Variants in CTNNA2 observed in about 807,000 individuals in gnomAD.
CTNNA2 encodes the protein catenin alpha-2.
A neutral mutation model predicts 101.0 loss-of-function variants in CTNNA2; 42 were observed. The observed-to-expected ratio is 0.42, with a 90% CI of 0.32 to 0.54. The LOEUF is 0.54. CTNNA2 is among the 20% of genes least tolerant of loss of function. The pLI is 0.14. For synonymous variants in CTNNA2, 450 were observed against 456.4 expected (o/e 0.99, Z 0.18); for missense variants, 871 against 1,223.1 (o/e 0.71, Z 4.29).
At chr2:79,342,586 A>G (rs1677161808) in intron 3 of CTNNA2, among the ~76,000 whole-genome samples, 1 of 152,220 alleles carries the variant, frequency 6.6e-6, no homozygotes, top group Non-Finnish European at 1.5e-5. Flanking sequence ...ATCTCATTTA[A>G]TTATCTAGGG....
intron 4 of CTNNA2, among the ~76,000 whole-genome samples, chr2:79,406,550 A>G (rs1678343886): frequency 2.0e-5 from 3 of 151,976 alleles, no homozygotes; most frequent in Admixed American, 1.3e-4. Flanking sequence ...CTACTGGTGC[A>G]TAGTCTTATG....
intron 1 of CTNNA2, chr2:79,185,520 T>A (rs934166743): frequency 8.5e-5 from 13 of 152,234 alleles, no homozygotes; most frequent in African/African-American, 2.9e-4. Context: ...ATGTCCTGTA[T>A]TTATAAATGA....
intron 9 of CTNNA2, among the ~76,000 whole-genome samples, chr2:80,445,764 G>A (rs2149448466): frequency 6.6e-6 from 1 of 152,308 alleles, no homozygotes; most frequent in East Asian, 1.9e-4. Flanking sequence ...TACATGCATA[G>A]TAGAAAGACA....
intron 3 of CTNNA2, among the ~76,000 whole-genome samples, chr2:79,333,995 A>G (rs1467856758): frequency 6.6e-6 from 1 of 152,152 alleles, no homozygotes; most frequent in Non-Finnish European, 1.5e-5. Context: ...GTACTGTGTG[A>G]TATTTTGATA....
chr2:80,153,129 G>A (rs1403498012), intron 7 of CTNNA2, among the ~76,000 whole-genome samples: 2 of 152,216 alleles, frequency 1.3e-5, no homozygotes, highest in Admixed American at 6.5e-5. Context: ...GCCACGGAAA[G>A]CGTTGCCACT....
chr2:80,122,509 G>A (rs951640895), intron 7 of CTNNA2, among the ~76,000 whole-genome samples: 1 of 152,066 alleles, frequency 6.6e-6, no homozygotes, highest in Non-Finnish European at 1.5e-5. Flanking sequence ...AAAATTGGAG[G>A]GTTGAAGTAG....
intron 4 of CTNNA2, among the ~76,000 whole-genome samples, chr2:79,488,987 TTATCTC>T (rs1469248213): frequency 2.0e-5 from 3 of 152,196 alleles, no homozygotes; most frequent in Non-Finnish European, 4.4e-5. Flanking sequence ...CTTCTCTACT[TTATCTC>T]TATAGCATGG....
intron 7 of CTNNA2, among the ~76,000 whole-genome samples, chr2:80,093,992 A>G (rs1014965495): frequency 6.6e-6 from 1 of 152,056 alleles, no homozygotes; most frequent in African/African-American, 2.4e-5. Flanking sequence ...TTTGCTGTGC[A>G]GAAGCTCTTT....
intron 7 of CTNNA2, among the ~76,000 whole-genome samples, chr2:80,213,765 TC>T (rs1708065428): frequency 1.3e-5 from 2 of 152,312 alleles, no homozygotes; most frequent in South Asian, 4.1e-4. Context: ...TTCCTGGGTA[TC>T]CTTGTTAACT....
At chr2:80,504,059 A>G (rs1174039091) in intron 9 of CTNNA2, among the ~76,000 whole-genome samples, 6 of 152,204 alleles carry the variant, frequency 3.9e-5, no homozygotes, top group Non-Finnish European at 8.8e-5. Context: ...CAAAGTTTGT[A>G]TGGGTCAGAA....
intron 4 of CTNNA2, among the ~76,000 whole-genome samples, chr2:79,410,952 C>T (rs1309284347): frequency 1.3e-5 from 2 of 152,100 alleles, no homozygotes; most frequent in South Asian, 2.1e-4. Flanking sequence ...GGTTAGTAAG[C>T]TATTGATTAT....
intron 9 of CTNNA2, among the ~76,000 whole-genome samples, chr2:80,506,213 G>A (rs1688264521): frequency 6.6e-6 from 1 of 152,180 alleles, no homozygotes; most frequent in Admixed American, 6.5e-5. Flanking sequence ...ACAACTGTTA[G>A]TAACAGTTAC....
intron 4 of CTNNA2, among the ~76,000 whole-genome samples, chr2:79,449,620 C>A (rs1023072110): frequency 3.3e-5 from 5 of 152,040 alleles, no homozygotes; most frequent in African/African-American, 9.7e-5. Context: ...CAGTTTACCT[C>A]TGTTTTTTAT....
rs117945593 is a variant in CTNNA2, at chr2:79,566,012, A to G, written c.-6+52805A>G. 5.1e-3 allele frequency among the ~76,000 whole-genome samples: 782 copies of G among 152,232 alleles called. 44 individuals carry two copies. In the East Asian group the frequency reaches 0.11, roughly 22 times the overall value. On this transcript the variant is annotated intron_variant, in intron 1 of 18. Transcript: ENST00000402739. ...AAAGACAAAATGAAGGAGTAGCCAC[A>G]AAGATATGCAGTGAACCAGGTGAGT...
intron 12 of CTNNA2, among the ~76,000 whole-genome samples, chr2:80,571,713 CT>C (rs1297175369): frequency 6.6e-6 from 1 of 152,160 alleles, no homozygotes; most frequent in Non-Finnish European, 1.5e-5. Context: ...TGACTGTCCC[CT>C]GACTCACATC....
intron 7 of CTNNA2, among the ~76,000 whole-genome samples, chr2:80,215,277 A>G (rs1368103415): frequency 4.6e-5 from 7 of 152,154 alleles, no homozygotes; most frequent in Non-Finnish European, 1.0e-4. Flanking sequence ...CGTCAAAGTC[A>G]TTCTTTATCC....
At chr2:80,130,383 G>A (rs961309745) in intron 7 of CTNNA2, among the ~76,000 whole-genome samples, 3 of 152,140 alleles carry the variant, frequency 2.0e-5, no homozygotes, top group East Asian at 3.9e-4. Flanking sequence ...AGTCTGTCAC[G>A]TATTCCAACT....
At chr2:79,533,679 T>G (rs1300827087) in intron 1 of CTNNA2, among the ~76,000 whole-genome samples, 1 of 152,140 alleles carries the variant, frequency 6.6e-6, no homozygotes, top group Non-Finnish European at 1.5e-5. Flanking sequence ...GAGCACCTAT[T>G]GTGGGATACT....
At chr2:79,975,643 G>A (rs1690783914) in intron 7 of CTNNA2, among the ~76,000 whole-genome samples, 1 of 152,134 alleles carries the variant, frequency 6.6e-6, no homozygotes, top group African/African-American at 2.4e-5. Context: ...CGATTAATTT[G>A]CTAAAGTGGC....
Sources: gnomAD v4.1 joint callset for allele counts (sites outside exome capture counted in the v4.1 genomes callset) on GRCh38, gnomAD v4.1.1 for gene constraint, MANE v1.5 for transcripts, NCBI Gene and HGNC (gene_info 2026-07-23, HGNC 2026-07-21) for gene names.